CALN1: variants seen among roughly 807,000 people sequenced by gnomAD.
CALN1 encodes the protein calneuron 1, also known as calcium-binding protein 8.
Under a neutral mutation model 30.6 loss-of-function variants are expected in CALN1, and 17 were observed. The observed-to-expected ratio is 0.56, with a 90% CI of 0.38 to 0.83. CALN1 has a LOEUF of 0.83. Among genes scored for constraint, CALN1 ranks in the 40% least tolerant of loss-of-function variants. The probability of loss-of-function intolerance (pLI) is 0.00; values close to 1 mark genes in which losing one functional copy is unlikely to be tolerated. For synonymous variants in CALN1, 156 were observed against 131.4 expected (o/e 1.19, Z -1.28); for missense variants, 291 against 354.9 (o/e 0.82, Z 1.45).
At chr7:72,083,184 GAC>G (rs1056764920) in intron 4 of CALN1, among the ~76,000 whole-genome samples, 2 of 151,384 alleles carry the variant, frequency 1.3e-5, no homozygotes, top group African/African-American at 4.9e-5. Flanking sequence ...CTGAGAAACA[GAC>G]AGAGACTCTG....
At chr7:72,204,277 G>C (rs1383922778) in intron 3 of CALN1, among the ~76,000 whole-genome samples, 1 of 151,354 alleles carries the variant, frequency 6.6e-6, no homozygotes, top group Non-Finnish European at 1.5e-5. Context: ...TTACAGGTGT[G>C]AGCCACCGCA....
chr7:72,319,620 G>A (rs1027338035), intron 2 of CALN1, among the ~76,000 whole-genome samples: 4 of 152,144 alleles, frequency 2.6e-5, no homozygotes, highest in South Asian at 2.1e-4. Context: ...TGGAACAGGA[G>A]GCCATTATCT....
intron 3 of CALN1, among the ~76,000 whole-genome samples, chr7:72,260,575 T>C (rs1346088522): frequency 6.6e-6 from 1 of 152,138 alleles, no homozygotes; most frequent in Non-Finnish European, 1.5e-5. Context: ...CTCAGGGCAC[T>C]TTTCCCAGAA....
chr7:72,292,747 G>A (rs942697997), intron 2 of CALN1, among the ~76,000 whole-genome samples: 1 of 149,492 alleles, frequency 6.7e-6, no homozygotes, highest in Non-Finnish European at 1.5e-5. Context: ...CTTGAACCTG[G>A]GAGGTGAAGG....
At chr7:72,482,244 G>T in the CALN1 span, among the ~76,000 whole-genome samples, 2 of 151,934 alleles carry the variant, frequency 1.3e-5, no homozygotes, top group African/African-American at 4.8e-5. Context: ...TGACCCATTT[G>T]GATTTTTATA....
the CALN1 span, among the ~76,000 whole-genome samples, chr7:72,491,682 T>C: frequency 1.1e-4 from 17 of 152,298 alleles, no homozygotes; most frequent in African/African-American, 4.1e-4. Context: ...ATAAAGCCCA[T>C]TTCTTCAGGA....
chr7:72,240,951 T>C (rs1384262412), intron 3 of CALN1, among the ~76,000 whole-genome samples: 3 of 152,204 alleles, frequency 2.0e-5, no homozygotes, highest in African/African-American at 4.8e-5. Context: ...TTCTGGAACC[T>C]TCCTTGAGTG....
At chr7:72,124,090 C>T (rs138307852) in intron 3 of CALN1, among the ~76,000 whole-genome samples, 2 of 152,186 alleles carry the variant, frequency 1.3e-5, no homozygotes, top group African/African-American at 2.4e-5. Context: ...TCAGAACACA[C>T]GTGCACACAC....
chr7:72,194,550 A>G (rs971937157), intron 3 of CALN1, among the ~76,000 whole-genome samples: 1 of 150,912 alleles, frequency 6.6e-6, no homozygotes, highest in Non-Finnish European at 1.5e-5. Flanking sequence ...AAAAACAGAA[A>G]CAGAAACAGG....
chr7:72,337,095 C>A, intron 2 of CALN1: 4 of 985,778 alleles, frequency 4.1e-6, no homozygotes, highest in Non-Finnish European at 4.8e-6. Context: ...CCCATGTGCG[C>A]GGCTGCCTCG....
At chr7:72,297,653 T>C (rs149758453) in intron 2 of CALN1, among the ~76,000 whole-genome samples, 12 of 152,336 alleles carry the variant, frequency 7.9e-5, no homozygotes, top group African/African-American at 2.6e-4. Context: ...GTTGAGTTTA[T>C]TTCCAGACTT....
Position 72,256,860 on chromosome 7 carries a change from C to A in CALN1, c.244+21826G>T, listed in dbSNP as rs538351623. ...TCCCTTACTCCTTCCCTCTGACATG[C>A]CAAGCAATAGTACTAAATACTCAGC... On this transcript the variant is annotated intron_variant, in intron 3 of 6. Coordinates refer to ENST00000395275, the MANE Select transcript of CALN1 (RefSeq NM_031468.4). 7.9e-5 allele frequency among the ~76,000 whole-genome samples: 12 copies of A among 152,250 alleles called. No homozygotes were observed. In the East Asian group the frequency reaches 2.3e-3, roughly 29 times the overall value.
In CALN1 at chr7:72,203,883, T is replaced by C. The variant is rs1385138201; in HGVS notation, c.244+74803A>G. 3.3e-5 allele frequency among the ~76,000 whole-genome samples: 5 copies of C among 151,130 alleles called. No homozygotes were observed. The East Asian group carries it at 9.7e-4, about 29-fold the overall frequency. On this transcript the variant is annotated intron_variant, in intron 3 of 6. Coordinates refer to ENST00000395275, the MANE Select transcript of CALN1 (RefSeq NM_031468.4). ...TATACAAAAGCCAGGGGGTAAAATA[T>C]ACCCATTATCCCAATTACTAAAGAA...
At chr7:72,216,543 C>T (rs1290854998) in intron 3 of CALN1, among the ~76,000 whole-genome samples, 7 of 152,006 alleles carry the variant, frequency 4.6e-5, no homozygotes, top group Non-Finnish European at 8.8e-5. Flanking sequence ...GTACCCTGAC[C>T]CTAGGGAGGT....
chr7:72,268,433 G>A (rs1796736266), intron 3 of CALN1, among the ~76,000 whole-genome samples: 1 of 152,186 alleles, frequency 6.6e-6, no homozygotes, highest in Non-Finnish European at 1.5e-5. Context: ...ATTTAAGAAT[G>A]ATAAGCAGAA....
At chr7:72,052,221 A>G (rs1802878805) in intron 4 of CALN1, among the ~76,000 whole-genome samples, 1 of 152,226 alleles carries the variant, frequency 6.6e-6, no homozygotes, top group African/African-American at 2.4e-5. Flanking sequence ...GTGTGGCAGC[A>G]ATAACCATTT....
chr7:71,917,640 G>C (rs1017320967), intron 5 of CALN1, among the ~76,000 whole-genome samples: 3 of 152,116 alleles, frequency 2.0e-5, no homozygotes, highest in African/African-American at 7.2e-5. Flanking sequence ...GGGGCAGCAG[G>C]AGAGAATGAG....
intron 5 of CALN1, among the ~76,000 whole-genome samples, chr7:71,917,724 C>T (rs200106201): frequency 0.029 from 3,129 of 109,558 alleles, 199 homozygotes; most frequent in East Asian, 0.17. Context: ...TTTATGAGAA[C>T]AGCATGGGGA....
At chr7:72,460,638 A>G in the CALN1 span, among the ~76,000 whole-genome samples, 1 of 152,170 alleles carries the variant, frequency 6.6e-6, no homozygotes. Context: ...TCTCAAAAAA[A>G]AGAAAATGAA....
Sources: allele counts gnomAD v4.1 joint callset (sites outside exome capture counted in the v4.1 genomes callset), GRCh38; gene constraint gnomAD v4.1.1; transcripts MANE v1.5; gene names NCBI Gene and HGNC (gene_info 2026-07-23, HGNC 2026-07-21).